The following CNTN4 variants were observed in gnomAD, a reference collection of about 807,000 sequenced individuals.
CNTN4 encodes contactin-4.
A neutral mutation model predicts 122.5 loss-of-function variants in CNTN4; 77 were observed. The ratio of observed to expected loss-of-function variants is 0.63; its 90% CI spans 0.52 to 0.76. CNTN4 has a LOEUF of 0.76. Among genes scored for constraint, CNTN4 ranks in the 30% least tolerant of loss-of-function variants. The pLI, the probability that CNTN4 is intolerant of heterozygous loss-of-function variation, is 0.00. For synonymous variants in CNTN4, 512 were observed against 447.0 expected (o/e 1.15, Z -1.83); for missense variants, 1,256 against 1,259.1 (o/e 1.00, Z 0.04).
intron 2 of CNTN4, among the ~76,000 whole-genome samples, chr3:2,157,889 A>T (rs1253682089): frequency 2.0e-5 from 3 of 152,356 alleles, no homozygotes; most frequent in Admixed American, 1.3e-4. Flanking sequence ...TTTAAGAAAC[A>T]TGGATAAATT....
chr3:2,647,537 T>G (rs1181182210), intron 4 of CNTN4, among the ~76,000 whole-genome samples: 1 of 152,168 alleles, frequency 6.6e-6, no homozygotes, highest in African/African-American at 2.4e-5. Context: ...GTGCATCAGA[T>G]TCATGTAATA....
chr3:2,829,295 A>G (rs1341850211), intron 7 of CNTN4, among the ~76,000 whole-genome samples: 2 of 152,176 alleles, frequency 1.3e-5, no homozygotes, highest in Non-Finnish European at 2.9e-5. Context: ...AGAAAAAGAG[A>G]GCCACATTGA....
At chr3:2,534,688 T>A (rs1017027153) in intron 3 of CNTN4, among the ~76,000 whole-genome samples, 3 of 151,638 alleles carry the variant, frequency 2.0e-5, no homozygotes, top group African/African-American at 7.3e-5. Flanking sequence ...TCTTTTTATG[T>A]GGATGTCCTC....
At chr3:2,439,975 T>C (rs1218234909) in intron 3 of CNTN4, among the ~76,000 whole-genome samples, 1 of 152,174 alleles carries the variant, frequency 6.6e-6, no homozygotes, top group Non-Finnish European at 1.5e-5. Context: ...TCAAAACTAG[T>C]GCTAGCAAAA....
At chr3:2,426,259 T>G (rs1222754062) in intron 3 of CNTN4, among the ~76,000 whole-genome samples, 1 of 152,194 alleles carries the variant, frequency 6.6e-6, no homozygotes, top group Non-Finnish European at 1.5e-5. Flanking sequence ...CCTAATTTGT[T>G]GAGAGTTTTT....
intron 3 of CNTN4, among the ~76,000 whole-genome samples, chr3:2,418,652 T>G (rs778174803): frequency 6.6e-6 from 1 of 152,208 alleles, no homozygotes; most frequent in African/African-American, 2.4e-5. Flanking sequence ...GGTTTCACTT[T>G]TGTAAAGCAC....
At chr3:2,782,846 T>C (rs1002571749) in intron 6 of CNTN4, among the ~76,000 whole-genome samples, 1 of 152,200 alleles carries the variant, frequency 6.6e-6, no homozygotes. Flanking sequence ...TATGAAGTGC[T>C]TTCAAGGGGA....
intron 2 of CNTN4, among the ~76,000 whole-genome samples, chr3:2,219,770 T>A (rs905217336): frequency 6.6e-6 from 1 of 152,088 alleles, no homozygotes; most frequent in African/African-American, 2.4e-5. Flanking sequence ...TTATTTTTTA[T>A]GGTTGTTTTG....
chr3:2,465,150 G>T (rs1389607794), intron 3 of CNTN4, among the ~76,000 whole-genome samples: 3 of 152,104 alleles, frequency 2.0e-5, no homozygotes, highest in Non-Finnish European at 4.4e-5. Flanking sequence ...TATATTCTAT[G>T]TATACTACAA....
chr3:2,334,101 T>C (rs1453524231), intron 2 of CNTN4, among the ~76,000 whole-genome samples: 1 of 152,216 alleles, frequency 6.6e-6, no homozygotes, highest in Non-Finnish European at 1.5e-5. Context: ...ATAATGTTAA[T>C]AATAACAAGT....
chr3:2,867,085 T>A (rs1167920931), intron 8 of CNTN4, 136 bp downstream of exon 8: 1 of 784,364 alleles, frequency 1.3e-6, no homozygotes, highest in African/African-American at 1.7e-5. Context: ...CTATATTTGG[T>A]ACCCATATTT....
At position 2,112,522 on chromosome 3, in the gene CNTN4, G is replaced by A. The variant is rs190809184; in HGVS notation, c.-145+11883G>A. Among the ~76,000 whole-genome samples the A allele has an allele frequency of 9.5e-4, 144 of 152,182 alleles. 1 individual carries two copies. The highest frequency in any genetic ancestry group is 1.5e-3 in the Non-Finnish European group (102 of 67,962). Reference sequence around the variant, plus strand: ...TGGTTAATGTTATTTTACTTCCTATGTGTTTTTACAGCCTTTCAAGAATGA... The same window carrying A: ...TGGTTAATGTTATTTTACTTCCTATATGTTTTTACAGCCTTTCAAGAATGA... On this transcript the variant is annotated intron_variant, in intron 2 of 24. Coordinates refer to ENST00000418658, the MANE Select transcript of CNTN4 (RefSeq NM_175607.3).
At chr3:2,391,071 A>C (rs2046424390) in intron 3 of CNTN4, among the ~76,000 whole-genome samples, 1 of 152,202 alleles carries the variant, frequency 6.6e-6, no homozygotes, top group Non-Finnish European at 1.5e-5. Context: ...AACCAGATTT[A>C]GTTTGTAATG....
intron 3 of CNTN4, among the ~76,000 whole-genome samples, chr3:2,434,649 G>T (rs2048195505): frequency 6.6e-6 from 1 of 152,176 alleles, no homozygotes; most frequent in Non-Finnish European, 1.5e-5. Flanking sequence ...AAAAGGTGAT[G>T]TAATTAGGTC....
chr3:2,541,199 G>A (rs755791662), intron 3 of CNTN4, among the ~76,000 whole-genome samples: 4 of 152,068 alleles, frequency 2.6e-5, no homozygotes, highest in East Asian at 1.9e-4. Context: ...TTCACATTAG[G>A]TGTTGCACTT....
chr3:2,484,731 T>C (rs902832891), intron 3 of CNTN4, among the ~76,000 whole-genome samples: 6 of 152,206 alleles, frequency 3.9e-5, no homozygotes, highest in African/African-American at 9.7e-5. Context: ...CCTGAGCCTA[T>C]TGAGAGGTGA....
At chr3:2,386,347 T>C (rs1442311441) in intron 3 of CNTN4, among the ~76,000 whole-genome samples, 1 of 152,180 alleles carries the variant, frequency 6.6e-6, no homozygotes. Flanking sequence ...TATTGAGACA[T>C]ACAACCCATA....
At chr3:3,016,154 C>T (rs536895914) in intron 14 of CNTN4, among the ~76,000 whole-genome samples, 7 of 152,064 alleles carry the variant, frequency 4.6e-5, no homozygotes, top group East Asian at 1.9e-4. Flanking sequence ...GTCAAAGGCA[C>T]GCCATAGAGT....
At chr3:2,226,034 A>G (rs944536977) in intron 2 of CNTN4, among the ~76,000 whole-genome samples, 2 of 152,126 alleles carry the variant, frequency 1.3e-5, no homozygotes, top group Non-Finnish European at 2.9e-5. Context: ...ACCAGGGATT[A>G]TTTGCCAGGC....
Sources: gnomAD v4.1 joint callset for allele counts (sites outside exome capture counted in the v4.1 genomes callset) on GRCh38, gnomAD v4.1.1 for gene constraint, MANE v1.5 for transcripts, NCBI Gene and HGNC (gene_info 2026-07-23, HGNC 2026-07-21) for gene names.